Variants in WDR4 observed in about 807,000 individuals in gnomAD.
WDR4 encodes the protein WDR4 tRNA N7-guanosine methyltransferase non-catalytic subunit, also known as tRNA (guanine-N(7)-)-methyltransferase non-catalytic subunit WDR4.
In WDR4, 47 loss-of-function variants were observed where a neutral mutation model predicts 48.6. That is an observed-to-expected ratio of 0.97 (90% CI 0.77 to 1.23). The LOEUF (loss-of-function observed/expected upper bound fraction) is 1.23, where lower values mean the gene tolerates loss of function less well. WDR4 is among the 50% of genes most tolerant of loss of function. The probability of loss-of-function intolerance (pLI) is 0.00; values close to 1 mark genes in which losing one functional copy is unlikely to be tolerated. For synonymous variants in WDR4, 268 were observed against 230.0 expected, an observed-to-expected ratio of 1.17 and a Z score of -1.49; for missense variants, 606 against 551.6, an observed-to-expected ratio of 1.10 and a Z score of -0.99.
chr21:42,877,113 ATGTGAGCCACTGC>A (rs2058510122), intron 1 of WDR4, among the ~76,000 whole-genome samples: 1 of 139,810 alleles, frequency 7.2e-6, no homozygotes, highest in Non-Finnish European at 1.6e-5. Flanking sequence ...CGCCTGGCCC[ATGTGAGCCACTGC>A]GCCTGGCCCT....
chr21:42,879,266 G>A (rs1198923751), intron 1 of WDR4, 141 bp downstream of exon 1: 3 of 1,377,162 alleles, frequency 2.2e-6, no homozygotes, highest in Non-Finnish European at 1.9e-6. Flanking sequence ...GACTGCGGCG[G>A]AGGACTCGTG....
At chr21:42,844,547 CG>C (rs1182374193), downstream of WDR4, among the ~76,000 whole-genome samples, 1 of 152,214 alleles carries the variant, frequency 6.6e-6, no homozygotes. Flanking sequence ...AACCCACAAG[CG>C]TTGAGTCTGG....
Position 42,849,870 on chromosome 21 carries a change from C to T in WDR4, c.*179G>A, listed in dbSNP as rs556468160. 1.4e-6 allele frequency: 1 copy of T among 728,980 alleles called. No individual in the cohort carries two copies. Among genetic ancestry groups the T allele is most frequent in the South Asian group, 2.1e-5 (1 of 46,892 alleles). The allele number at this position is 728,980 out of a possible 1,614,324, so 45.2% of individuals were successfully genotyped here. ...CCAGAAAGGGGGCACAGGCACCCAG[C>T]AAGAGCCTGTGCTGGTGACACAGAA... On this transcript the variant is annotated 3_prime_UTR_variant, in exon 11 of 11. Coordinates refer to ENST00000398208, the MANE Select transcript of WDR4 (RefSeq NM_018669.6).
chr21:42,867,540 G>C (rs980207874), intron 3 of WDR4, among the ~76,000 whole-genome samples: 9 of 152,130 alleles, frequency 5.9e-5, no homozygotes, highest in Admixed American at 4.6e-4. Flanking sequence ...GATTTGTTCA[G>C]GTTTTGGAAT....
rs957055113 is a variant in WDR4, at chr21:42,849,815, T to G, written c.*234A>C. On this transcript the variant is annotated 3_prime_UTR_variant, in exon 11 of 11. Transcript: ENST00000398208. ...CATGAAAAGAAAGTGCTTCAAGAGC[T>G]TCCACTCCACTGGTCTGGCTTCCCT... 3 of 494,838 alleles carry G rather than the reference T, an allele frequency of 6.1e-6. No individual in the cohort carries two copies. The highest frequency in any genetic ancestry group is 4.2e-5 in the Admixed American group (1 of 23,886). 30.7% of individuals were successfully genotyped at this position (494,838 alleles called of 1,614,324 possible). A position where few individuals can be genotyped will look rare whatever the true frequency, so the allele number is the denominator to read the frequency against.
chr21:42,888,265 A>G, the WDR4 span, among the ~76,000 whole-genome samples: 1 of 152,232 alleles, frequency 6.6e-6, no homozygotes, highest in East Asian at 1.9e-4. Flanking sequence ...AAGTATCTAT[A>G]TTATGAATAT....
rs759658428 is a variant in WDR4, at chr21:42,863,554, C to A, written c.339G>T (p.Ser113=). Residue 113 remains serine (S), a synonymous_variant, in exon 4 of 11, where the codon TCG becomes TCT. Coordinates refer to ENST00000398208, the MANE Select transcript of WDR4 (RefSeq NM_018669.6). ...RRCTALTFIA[S]EEKVLVADKS... ...TGTCGGCCACCAAGACCTTCTCCTCCGAGGCTATGAAAGTCAGGGCTGTAC... is the reference window on the plus strand; with the variant it reads ...TGTCGGCCACCAAGACCTTCTCCTCAGAGGCTATGAAAGTCAGGGCTGTAC... 6.2e-7 allele frequency: 1 copy of A among 1,613,990 alleles called. No homozygotes were observed. The highest frequency in any genetic ancestry group is 1.1e-5 in the South Asian group (1 of 91,048).
intron 11 of WDR4, among the ~76,000 whole-genome samples, chr21:42,843,782 G>A (rs1223377124): frequency 6.6e-6 from 1 of 152,092 alleles, no homozygotes; most frequent in Non-Finnish European, 1.5e-5. Flanking sequence ...GGCCAAGCTG[G>A]TCTCAAACTC....
rs765059645 is a variant in WDR4, at chr21:42,862,349, C to A, written c.499G>T (p.Glu167Ter). 1.9e-6 allele frequency: 3 copies of A among 1,611,538 alleles called. No individual in the cohort carries two copies. In the African/African-American group the frequency reaches 4.0e-5, roughly 22 times the overall value. The change falls in exon 5 of 11, where the codon GAG becomes TAG. Residue 167 changes from glutamate (E) to a stop codon, truncating the protein, a stop_gained. Coordinates refer to ENST00000398208, the MANE Select transcript of WDR4 (RefSeq NM_018669.6). LOFTEE classifies it high-confidence loss of function. The surrounding 1 kb of genome is among the most constrained non-coding windows in gnomAD (Gnocchi z 4.3). The stretch of plus-strand genomic sequence containing the variant: ...GCGGCCCAGCTGACTCGGATCTTCT[C>A]GTCCCGGTCGGCAGTGAGGATGAAG... The part of the protein sequence containing the change: ...DRFILTADRD[E>*]KIRVSWAAAP...
chr21:42,849,080 TCA>T (rs1569309101), downstream of WDR4: 1 of 71,838 alleles, frequency 1.4e-5, no homozygotes, highest in African/African-American at 5.9e-5. Context: ...CAGCGCACGA[TCA>T]CACCACGCAC....
chr21:42,846,700 G>A (rs1310551353), downstream of WDR4, among the ~76,000 whole-genome samples: 1 of 152,150 alleles, frequency 6.6e-6, no homozygotes. Flanking sequence ...GTGACAGAGT[G>A]AGACCGTCTG....
At chr21:42,874,975 G>T (rs762999115) in intron 2 of WDR4, among the ~76,000 whole-genome samples, 1 of 151,998 alleles carries the variant, frequency 6.6e-6, no homozygotes, top group African/African-American at 2.4e-5. Context: ...CTGGTTTTAC[G>T]GCTCAGGAGG....
At chr21:42,852,168 C>T in intron 10 of WDR4, 87 bp downstream of exon 10, 1 of 1,391,542 alleles carries the variant, frequency 7.2e-7, no homozygotes, top group Non-Finnish European at 1.0e-6. Flanking sequence ...ACCAGGTACC[C>T]CGGGCAGGTC....
rs1417160033 is a variant in WDR4, at chr21:42,850,064, C to T, written c.1224G>A (p.Ala408=). 9 of 1,613,858 alleles carry T rather than the reference C, an allele frequency of 5.6e-6. No individual in the cohort carries two copies. Among genetic ancestry groups the T allele is most frequent in the Admixed American group, 1.7e-5 (1 of 59,890 alleles). The change falls in exon 11 of 11, where the codon GCG becomes GCA. Residue 408 remains alanine, a synonymous_variant. Coordinates refer to ENST00000398208, the MANE Select transcript of WDR4 (RefSeq NM_018669.6). The part of the protein sequence containing the change: ...GHAKKMRPGE[A]TLSC ...ACCGCCACGATCAGCAACTTAGCGT[C>T]GCCTCCCCCGGTCTCATCTTCTTGG... is the stretch of plus-strand genomic sequence containing the variant.
chr21:42,882,863 C>T (rs1020926375), upstream of WDR4, among the ~76,000 whole-genome samples: 4 of 152,106 alleles, frequency 2.6e-5, no homozygotes, highest in African/African-American at 7.2e-5. Flanking sequence ...CTTTGAGAGG[C>T]CAAGGCAGGT....
downstream of WDR4, among the ~76,000 whole-genome samples, chr21:42,844,493 G>A (rs550966970): frequency 6.6e-6 from 1 of 152,318 alleles, no homozygotes; most frequent in African/African-American, 2.4e-5. Context: ...GAACGGAGGC[G>A]CTGAGGCCTC....
chr21:42,859,597 G>GCGCCC, intron 6 of WDR4, 65 bp downstream of exon 6: 1 of 708,190 alleles, frequency 1.4e-6, no homozygotes, highest in Non-Finnish European at 2.5e-6. Flanking sequence ...TCCAGGAGGC[G>GCGCCC]CCCACCCCAC....
chr21:42,859,597 G>GCGCC, intron 6 of WDR4, 65 bp downstream of exon 6: 2 of 708,186 alleles, frequency 2.8e-6, no homozygotes, highest in South Asian at 1.5e-5. Context: ...TCCAGGAGGC[G>GCGCC]CCCACCCCAC....
intron 1 of WDR4, 178 bp downstream of exon 1, chr21:42,879,229 C>A (rs2058573151): frequency 7.5e-7 from 1 of 1,331,836 alleles, no homozygotes; most frequent in Non-Finnish European, 9.6e-7. Flanking sequence ...AGCGGACCCT[C>A]CAGGCGCAGA....
Sources: gnomAD v4.1 joint callset for allele counts (sites outside exome capture counted in the v4.1 genomes callset) on GRCh38, gnomAD v4.1.1 for gene constraint, Gnocchi (gnomAD v3.1) non-coding constraint, MANE v1.5 for transcripts, NCBI Gene and HGNC (gene_info 2026-07-23, HGNC 2026-07-21) for gene names.